UBR3: variants seen among roughly 807,000 people sequenced by gnomAD.
UBR3 encodes the protein ubiquitin protein ligase E3 component n-recognin 3.
Under a neutral mutation model 243.2 loss-of-function variants are expected in UBR3, and 85 were observed. The observed-to-expected ratio is 0.35, with a 90% CI of 0.29 to 0.42. UBR3 has a LOEUF of 0.42. Among genes scored for constraint, UBR3 ranks in the 10% least tolerant of loss-of-function variants. UBR3 has a pLI of 1.00. For missense variants in UBR3, 1,686 were observed against 2,300.8 expected, an observed-to-expected ratio of 0.73 and a Z score of 5.47; for synonymous variants, 748 against 799.8, an observed-to-expected ratio of 0.94 and a Z score of 1.09.
chr2:169,855,552 C>CT (rs1471792199), intron 1 of UBR3, among the ~76,000 whole-genome samples: 16 of 151,924 alleles, frequency 1.1e-4, no homozygotes, highest in Admixed American at 4.6e-4. Context: ...GGTGATGACT[C>CT]TTAACGAGCA....
intron 1 of UBR3, among the ~76,000 whole-genome samples, chr2:169,851,262 A>G (rs1408495020): frequency 6.6e-6 from 1 of 151,796 alleles, no homozygotes; most frequent in Non-Finnish European, 1.5e-5. Context: ...GTAGCTAGGA[A>G]CACAGGTGTG....
chr2:169,899,693 C>T (rs1273714274), intron 8 of UBR3, among the ~76,000 whole-genome samples: 3 of 152,024 alleles, frequency 2.0e-5, no homozygotes, highest in African/African-American at 7.3e-5. Context: ...ATGTCCGCCT[C>T]CCTGTGTCCA....
At chr2:169,888,726 T>G (rs1362926877) in intron 5 of UBR3, among the ~76,000 whole-genome samples, 1 of 152,210 alleles carries the variant, frequency 6.6e-6, no homozygotes, top group East Asian at 1.9e-4. Context: ...TAATGACATA[T>G]TTTCCCTATT....
intron 24 of UBR3, among the ~76,000 whole-genome samples, chr2:169,980,224 A>G (rs1297231320): frequency 6.6e-6 from 1 of 152,246 alleles, no homozygotes; most frequent in Non-Finnish European, 1.5e-5. Flanking sequence ...AAGAAGTTAC[A>G]GATAAGGGGA....
chr2:170,065,525 T>G (rs1320357207), intron 35 of UBR3, among the ~76,000 whole-genome samples: 1 of 152,152 alleles, frequency 6.6e-6, no homozygotes, highest in Non-Finnish European at 1.5e-5. Flanking sequence ...ATTCCTGGCC[T>G]CAAGTGATCC....
intron 1 of UBR3, among the ~76,000 whole-genome samples, chr2:169,865,362 G>A (rs73024466): frequency 0.044 from 6,635 of 152,046 alleles, 167 homozygotes; most frequent in Middle Eastern, 0.068. Context: ...AGTATTTTTC[G>A]TCAGTCTTAC....
rs1235135407 is a variant in UBR3 at position 169,962,120 on chromosome 2, C to G, written c.3634+3594C>G. Among the ~76,000 whole-genome samples the G allele has an allele frequency of 2.0e-5, 3 of 152,134 alleles. No homozygotes were observed. In the East Asian group the frequency reaches 5.8e-4, roughly 29 times the overall value. ...AGCCAGCTGCCATGTCATGAGTATC[C>G]CTGCGGAGGCCCATGTGAGTGAGGA... On this transcript the variant is annotated intron_variant, in intron 24 of 38. Transcript: ENST00000272793.
intron 23 of UBR3, among the ~76,000 whole-genome samples, chr2:169,956,624 TAGAAA>T (rs1320080097): frequency 2.0e-5 from 3 of 152,148 alleles, no homozygotes; most frequent in Non-Finnish European, 2.9e-5. Context: ...CTGTAAATGT[TAGAAA>T]AGGAGTGTTA....
In UBR3 at chr2:169,899,742, C is replaced by T. The variant is rs534459548; in HGVS notation, c.1465+3007C>T. 3.9e-5 allele frequency among the ~76,000 whole-genome samples: 6 copies of T among 152,086 alleles called. No homozygotes were observed. The East Asian group carries it at 1.2e-3, about 29-fold the overall frequency. ...TTCAACTCCCACTTATGAGTGAAAACATGCGGTGTTTGGTTTTCTGTCCTT... is the reference window on the plus strand; with the variant it reads ...TTCAACTCCCACTTATGAGTGAAAATATGCGGTGTTTGGTTTTCTGTCCTT... On this transcript the variant is annotated intron_variant, in intron 8 of 38. Coordinates refer to ENST00000272793, the MANE Select transcript of UBR3 (RefSeq NM_172070.4).
intron 19 of UBR3, among the ~76,000 whole-genome samples, chr2:169,934,427 G>A (rs1173594214): frequency 1.3e-5 from 2 of 152,114 alleles, no homozygotes; most frequent in African/African-American, 4.8e-5. Context: ...ATTAAATAAT[G>A]TAATCAATTT....
intron 6 of UBR3, among the ~76,000 whole-genome samples, chr2:169,892,998 A>G (rs975060956): frequency 1.3e-5 from 2 of 152,236 alleles, no homozygotes; most frequent in African/African-American, 2.4e-5. Context: ...TCTTTTTACA[A>G]TTTGACTTAA....
intron 35 of UBR3, among the ~76,000 whole-genome samples, chr2:170,066,704 C>T (rs563709517): frequency 2.0e-5 from 3 of 152,222 alleles, no homozygotes; most frequent in Admixed American, 1.3e-4. Flanking sequence ...CAATGGCTCA[C>T]GCCTGTAATC....
At position 170,040,979 on chromosome 2, in the gene UBR3, C is replaced by T. The variant is rs139002361; in HGVS notation, c.4654C>T (p.Arg1552Cys). ...IQILMMPQPL[R>C]KDHFTCIVKV... is the part of the protein sequence containing the mutation. Reference sequence around the variant, plus strand: ...GATCTTAATGATGCCACAACCCTTACGCAAAGGTATGTCTTTATAATTCAG... The same window carrying T: ...GATCTTAATGATGCCACAACCCTTATGCAAAGGTATGTCTTTATAATTCAG... Residue 1552 changes from arginine to cysteine, a missense_variant, in exon 32 of 39, where the codon CGC becomes TGC. Arg to Cys is a radical substitution (Grantham distance 180). This residue lies in a region of UBR3 where 371 missense variants were observed against 422.5 expected (regional missense o/e 0.88). Transcript: ENST00000272793. 2.8e-4 allele frequency: 448 copies of T among 1,610,490 alleles called. No individual in the cohort carries two copies. Among genetic ancestry groups the T allele is most frequent in the Middle Eastern group, 1.5e-3 (9 of 6,036 alleles).
intron 6 of UBR3, among the ~76,000 whole-genome samples, chr2:169,894,309 C>A (rs972312574): frequency 2.6e-5 from 3 of 113,504 alleles, no homozygotes; most frequent in Admixed American, 1.2e-4. Flanking sequence ...CAGAGTGAGA[C>A]CCTGACTCTT....
intron 31 of UBR3, among the ~76,000 whole-genome samples, chr2:170,032,947 G>A (rs2090719472): frequency 6.6e-6 from 1 of 152,026 alleles, no homozygotes; most frequent in Non-Finnish European, 1.5e-5. Flanking sequence ...AACTTTGTGT[G>A]TGTATTTTGT....
At chr2:169,964,929 C>T (rs1281589602) in intron 24 of UBR3, 2 of 457,018 alleles carry the variant, frequency 4.4e-6, no homozygotes, top group South Asian at 3.1e-5. Context: ...GCTCTACTTT[C>T]TCCCAGTCTC....
chr2:169,921,887 A>C (rs1008805100), intron 11 of UBR3, among the ~76,000 whole-genome samples: 1 of 152,128 alleles, frequency 6.6e-6, no homozygotes, highest in African/African-American at 2.4e-5. Flanking sequence ...GCTACTCAGG[A>C]GGCTGAGGCA....
chr2:169,932,949 C>A lies in UBR3; in HGVS notation c.2604C>A (p.Val868=). The change falls in exon 19 of 39, where the codon GTC becomes GTA. Residue 868 remains valine (V), a synonymous_variant. Coordinates refer to ENST00000272793, the MANE Select transcript of UBR3 (RefSeq NM_172070.4). ...VWDQEFDPVM[V]ILRTVYRRDV... ...ATCAAGAGTTTGACCCCGTCATGGT[C>A]ATTCTTCGAACAGTTTACCGTAGAG... The A allele has an allele frequency of 6.5e-7, 1 of 1,541,936 alleles. No homozygotes were observed. The highest frequency in any genetic ancestry group is 1.2e-5 in the South Asian group (1 of 81,620).
intron 36 of UBR3, among the ~76,000 whole-genome samples, chr2:170,078,773 C>T (rs983856705): frequency 1.3e-5 from 2 of 152,134 alleles, no homozygotes; most frequent in Non-Finnish European, 2.9e-5. Flanking sequence ...TAACATGCAG[C>T]CTAACCTATA....
Sources: gnomAD v4.1 joint callset for allele counts (sites outside exome capture counted in the v4.1 genomes callset) on GRCh38, gnomAD v4.1.1 for gene constraint, gnomAD v4.1.1 regional missense constraint, MANE v1.5 for transcripts, NCBI Gene and HGNC (gene_info 2026-07-23, HGNC 2026-07-21) for gene names.